The following PLSCR5 variants were observed in gnomAD, a reference collection of about 807,000 sequenced individuals.
PLSCR5 encodes phospholipid scramblase family, member 5.
Under a neutral mutation model 33.6 loss-of-function variants are expected in PLSCR5, and 44 were observed. The ratio of observed to expected loss-of-function variants is 1.31; its 90% CI spans 1.03 to 1.69. The LOEUF is 1.69. Among genes scored for constraint, PLSCR5 ranks in the 40% most tolerant of loss-of-function variants. PLSCR5 has a pLI of 0.00. For synonymous variants in PLSCR5, 148 were observed against 112.3 expected (o/e 1.32, Z -2.01); for missense variants, 375 against 318.7 (o/e 1.18, Z -1.34).
downstream of PLSCR5, among the ~76,000 whole-genome samples, chr3:146,584,270 G>A (rs886624877): frequency 1.3e-5 from 2 of 152,164 alleles, no homozygotes; most frequent in African/African-American, 4.8e-5. Flanking sequence ...GGAAAGGGAA[G>A]GAATGCTAAG....
chr3:146,601,921 T>A (rs1202646239), intron 1 of PLSCR5, among the ~76,000 whole-genome samples: 1 of 152,190 alleles, frequency 6.6e-6, no homozygotes, highest in Non-Finnish European at 1.5e-5. Flanking sequence ...ATGAAGTAAA[T>A]TCATTCATTT....
At chr3:146,582,708 T>C (rs1005862015), downstream of PLSCR5, among the ~76,000 whole-genome samples, 1 of 152,144 alleles carries the variant, frequency 6.6e-6, no homozygotes, top group Non-Finnish European at 1.5e-5. Context: ...TCTATAAATC[T>C]AATGAAAGGC....
At chr3:146,584,065 C>T (rs2044650694), downstream of PLSCR5, among the ~76,000 whole-genome samples, 1 of 152,120 alleles carries the variant, frequency 6.6e-6, no homozygotes. Flanking sequence ...CCCAGGCAGT[C>T]ATCCTCATAC....
chr3:146,579,409 C>T (rs77317298), intron 7 of PLSCR5, among the ~76,000 whole-genome samples: 4,642 of 152,150 alleles, frequency 0.031, 107 homozygotes, highest in South Asian at 0.064. Flanking sequence ...TATGTTATTT[C>T]CTCAGTTTGT....
chr3:146,588,895 G>A (rs1471045689), intron 6 of PLSCR5, among the ~76,000 whole-genome samples: 2 of 152,134 alleles, frequency 1.3e-5, no homozygotes, highest in Non-Finnish European at 2.9e-5. Context: ...GTGTGTGCCT[G>A]TGTATACACA....
chr3:146,583,315 T>C (rs1323086985), downstream of PLSCR5, among the ~76,000 whole-genome samples: 5 of 152,196 alleles, frequency 3.3e-5, no homozygotes, highest in Non-Finnish European at 7.4e-5. Context: ...TAAATAAATA[T>C]TTATTTAAAT....
chr3:146,597,255 C>T (rs1389407392), intron 2 of PLSCR5, among the ~76,000 whole-genome samples: 1 of 152,052 alleles, frequency 6.6e-6, no homozygotes, highest in African/African-American at 2.4e-5. Context: ...AAGGTAGTCA[C>T]TGTGCTAGAT....
At chr3:146,605,105 A>G (rs953768033) in intron 1 of PLSCR5, 95 bp downstream of exon 1, 51 of 1,245,848 alleles carry the variant, frequency 4.1e-5, no homozygotes, top group South Asian at 4.7e-5. Flanking sequence ...GACAGCTTTT[A>G]AAGTACCAAT....
rs200837530 is a variant in PLSCR5 at position 146,599,514 on chromosome 3, CTTTT to C, written c.189+770_189+773del. On this transcript the variant is annotated intron_variant, in intron 2 of 7. Transcript: ENST00000443512. The stretch of plus-strand genomic sequence containing the variant: ...TACACAGGCTTGCACTTTGCATTAA[CTTTT>C]TTTTTTTTTTTTGTCTTGCCAATTA... 7.0e-5 allele frequency among the ~76,000 whole-genome samples: 10 copies of C among 141,912 alleles called. No individual in the cohort carries two copies. In the East Asian group the frequency reaches 8.3e-4, roughly 12 times the overall value. 93.1% of individuals were successfully genotyped at this position (141,912 alleles called of 152,430 possible). A position where few individuals can be genotyped will look rare whatever the true frequency, so the allele number is the denominator to read the frequency against.
chr3:146,591,367 T>C (rs963778972), intron 5 of PLSCR5, among the ~76,000 whole-genome samples: 1 of 152,068 alleles, frequency 6.6e-6, no homozygotes, highest in Non-Finnish European at 1.5e-5. Flanking sequence ...CAAAGAGATA[T>C]AGTAGCTTTG....
At chr3:146,582,041 T>C (rs1181672898), downstream of PLSCR5, among the ~76,000 whole-genome samples, 3 of 152,232 alleles carry the variant, frequency 2.0e-5, no homozygotes, top group East Asian at 5.8e-4. Flanking sequence ...TTTCAATGAC[T>C]AAAACTGAAC....
At chr3:146,589,871 C>T (rs2044699307) in intron 5 of PLSCR5, 57 bp from the exon 6 acceptor site, 3 of 1,165,322 alleles carry the variant, frequency 2.6e-6, no homozygotes, top group East Asian at 2.5e-5. Context: ...TGGTTTTATA[C>T]TTCTGAGGGT....
chr3:146,576,863 A>G (rs1389734886), intron 7 of PLSCR5: 3 of 152,090 alleles, frequency 2.0e-5, no homozygotes, highest in African/African-American at 7.2e-5. Flanking sequence ...AGTAAGCCAG[A>G]CACTGATTAC....
chr3:146,594,069 C>T lies in PLSCR5; in HGVS notation c.304G>A (p.Val102Met). The change falls in exon 4 of 8, where the codon GTG becomes ATG. Residue 102 changes from valine (V) to methionine (M), a missense_variant. Physicochemically the swap from Val to Met is conservative, Grantham distance 21 (BLOSUM62 1). Coordinates refer to ENST00000443512, the MANE Select transcript of PLSCR5 (RefSeq NM_001085420.2). Reference protein sequence around the residue: ...NSLGQRIYFAVEESICFNRTF... With the variant: ...NSLGQRIYFAMEESICFNRTF... ...CGATTGAAGCAGATGCTTTCCTCCA[C>T]TGCAAAGTAAATTCTTTGTCCCAAG... The T allele has an allele frequency of 1.2e-6, 2 of 1,613,760 alleles. No individual in the cohort carries two copies. Among genetic ancestry groups the T allele is most frequent in the Non-Finnish European group, 1.7e-6 (2 of 1,179,778 alleles).
intron 1 of PLSCR5, among the ~76,000 whole-genome samples, chr3:146,601,923 C>A (rs2044819469): frequency 1.3e-5 from 2 of 152,082 alleles, no homozygotes; most frequent in African/African-American, 4.8e-5. Context: ...GAAGTAAATT[C>A]ATTCATTTAT....
At chr3:146,604,185 C>T (rs565024967) in intron 1 of PLSCR5, among the ~76,000 whole-genome samples, 124 of 152,154 alleles carry the variant, frequency 8.1e-4, no homozygotes, top group Non-Finnish European at 1.6e-3. Context: ...CATGCTAAAA[C>T]TTTTCATTAT....
At chr3:146,587,852 T>TTGTATA (rs143802677) in intron 6 of PLSCR5, among the ~76,000 whole-genome samples, 2,805 of 151,922 alleles carry the variant, frequency 0.018, 83 homozygotes, top group African/African-American at 0.061. Flanking sequence ...ATATACATAC[T>TTGTATA]TGTATATGTA....
downstream of PLSCR5, among the ~76,000 whole-genome samples, chr3:146,582,573 A>C (rs1461667087): frequency 2.0e-5 from 3 of 152,076 alleles, no homozygotes; most frequent in African/African-American, 7.2e-5. Flanking sequence ...TGCTTATTAA[A>C]CTGCTGCTCT....
rs2044801219 is a variant in PLSCR5 at position 146,600,344 on chromosome 3, G to A, written c.133C>T (p.Pro45Ser). The change falls in exon 2 of 8, where the codon CCA becomes TCA. Residue 45 changes from proline to serine, a missense_variant. Coordinates refer to ENST00000443512, the MANE Select transcript of PLSCR5 (RefSeq NM_001085420.2). Reference sequence around the variant, plus strand: ...CTGACTGTTGGCAGGAAACTGCTTGGCAGAGGGAGACTCAGCTGCCATGCT... The same window carrying A: ...CTGACTGTTGGCAGGAAACTGCTTGACAGAGGGAGACTCAGCTGCCATGCT... Reference protein sequence around the residue: ...NQAWQLSLPLPSSFLPTVSLP... With the variant: ...NQAWQLSLPLSSSFLPTVSLP... The A allele has an allele frequency of 6.2e-7, 1 of 1,607,352 alleles. No homozygotes were observed. The highest frequency in any genetic ancestry group is 1.3e-5 in the African/African-American group (1 of 74,760).
Sources: gnomAD v4.1 joint callset for allele counts (sites outside exome capture counted in the v4.1 genomes callset) on GRCh38, gnomAD v4.1.1 for gene constraint, MANE v1.5 for transcripts, NCBI Gene and HGNC (gene_info 2026-07-23, HGNC 2026-07-21) for gene names.